FILIP1L: variants seen among roughly 807,000 people sequenced by gnomAD.
FILIP1L encodes filamin A-interacting protein 1-like.
In FILIP1L, 55 loss-of-function variants were observed where a neutral mutation model predicts 96.6. The ratio of observed to expected loss-of-function variants is 0.57; its 90% CI spans 0.46 to 0.71. FILIP1L has a LOEUF of 0.71. Ranked by LOEUF, FILIP1L falls within the 30% of genes least tolerant of loss-of-function variation. The pLI is 0.00. For missense variants in FILIP1L, 1,304 were observed against 1,321.2 expected (o/e 0.99, Z 0.20); for synonymous variants, 467 against 473.9 (o/e 0.99, Z 0.19).
intron 1 of FILIP1L, among the ~76,000 whole-genome samples, chr3:99,976,034 G>A (rs1319437900): frequency 3.3e-5 from 5 of 152,086 alleles, no homozygotes; most frequent in Admixed American, 3.3e-4. Flanking sequence ...ACAGGCATGT[G>A]CCACTATGCC....
intron 4 of FILIP1L, among the ~76,000 whole-genome samples, chr3:99,853,178 G>T (rs950325778): frequency 1.3e-5 from 2 of 152,160 alleles, no homozygotes; most frequent in Non-Finnish European, 2.9e-5. Context: ...TGGGTAAACT[G>T]CTTTGGTGGT....
At chr3:99,966,842 T>A (rs4928149) in intron 1 of FILIP1L, among the ~76,000 whole-genome samples, 127,721 of 152,190 alleles carry the variant, frequency 0.84, 53,959 homozygotes, top group East Asian at 0.97. Flanking sequence ...CTTGAACGAC[T>A]TAGAGATTTA....
At position 100,099,784 on chromosome 3, in the gene FILIP1L, G is replaced by A. The variant is rs151098409; in HGVS notation, c.-11+14269C>T. ...TTCTGTAGCAGTGGGAACCTAACAG[G>A]CCACCAAGGAGAGCCAGACATTTGA... On this transcript the variant is annotated intron_variant, in intron 1 of 5. Coordinates refer to ENST00000477258, the MANE Select transcript of FILIP1L (RefSeq NM_001387850.1). Among the ~76,000 whole-genome samples, 536 of 152,220 alleles carry A rather than the reference G, an allele frequency of 3.5e-3. 2 individuals are homozygous for A. Among genetic ancestry groups the A allele is most frequent in the African/African-American group, 0.012 (510 of 41,520 alleles).
rs546292745 is a variant in FILIP1L at position 99,930,091 on chromosome 3, T to C, written c.253-62A>G. On this transcript the variant is annotated intron_variant, in intron 2 of 5. Transcript: ENST00000477258. ...CTCTACCAGCAGTCTCAGCAAGTGA[T>C]TTTTGTGATAGTTGGCAGTGCTTTT... 2.2e-6 allele frequency: 3 copies of C among 1,383,838 alleles called. No individual in the cohort carries two copies. In the East Asian group the frequency reaches 7.4e-5, roughly 34 times the overall value. 85.7% of individuals were successfully genotyped at this position (1,383,838 alleles called of 1,614,324 possible).
At chr3:100,103,556 T>C (rs979414560) in intron 1 of FILIP1L, among the ~76,000 whole-genome samples, 5 of 152,198 alleles carry the variant, frequency 3.3e-5, no homozygotes, top group Non-Finnish European at 7.4e-5. Flanking sequence ...GAAGCACGGA[T>C]TGGGCAGGTA....
chr3:99,834,759 T>C (rs1479837196), intron 5 of FILIP1L, among the ~76,000 whole-genome samples: 1 of 152,174 alleles, frequency 6.6e-6, no homozygotes, highest in Non-Finnish European at 1.5e-5. Context: ...TAACAGCCTT[T>C]GGGTAGTATC....
chr3:99,992,136 G>A (rs1247051112), intron 1 of FILIP1L, among the ~76,000 whole-genome samples: 1 of 151,586 alleles, frequency 6.6e-6, no homozygotes, highest in Non-Finnish European at 1.5e-5. Flanking sequence ...AAATACAAGT[G>A]CAGCTATCTT....
intron 1 of FILIP1L, among the ~76,000 whole-genome samples, chr3:100,049,653 G>T (rs1196034881): frequency 6.6e-5 from 10 of 152,146 alleles, no homozygotes; most frequent in African/African-American, 1.7e-4. Context: ...TCCTGAGACA[G>T]CAAGAGCAAC....
chr3:100,091,478 T>C (rs1233932529), intron 1 of FILIP1L, among the ~76,000 whole-genome samples: 1 of 152,214 alleles, frequency 6.6e-6, no homozygotes, highest in Non-Finnish European at 1.5e-5. Context: ...AGCAGCCAGT[T>C]TTAAAGATGC....
intron 1 of FILIP1L, among the ~76,000 whole-genome samples, chr3:99,997,350 AAAACCTAGAG>A (rs1478101852): frequency 2.0e-5 from 3 of 152,364 alleles, no homozygotes; most frequent in African/African-American, 4.8e-5. Flanking sequence ...CACAAACTAG[AAAACCTAGAG>A]GAAATGGCTG....
At chr3:99,886,969 C>CAA (rs544548363) in intron 4 of FILIP1L, among the ~76,000 whole-genome samples, 7 of 89,866 alleles carry the variant, frequency 7.8e-5, no homozygotes, top group Admixed American at 1.3e-4. Context: ...GACTCCATCT[C>CAA]AAAAAAAAAA....
intron 1 of FILIP1L, among the ~76,000 whole-genome samples, chr3:99,972,596 C>G (rs1174999229): frequency 6.6e-6 from 1 of 152,148 alleles, no homozygotes; most frequent in Admixed American, 6.5e-5. Context: ...AATAACGGTT[C>G]ATGTTTCCAT....
In FILIP1L at chr3:100,105,416, A is replaced by G. The variant is rs2066377371; in HGVS notation, c.-11+8637T>C. ...CCTGGAAGGCATTTCTTTTGAATCA[A>G]CTGCAATTCGTATCTAACAATTTCA... On this transcript the variant is annotated intron_variant, in intron 1 of 5. Transcript: ENST00000477258. 3.3e-5 allele frequency among the ~76,000 whole-genome samples: 5 copies of G among 152,206 alleles called. No homozygotes were observed. The South Asian group carries it at 1.0e-3, about 31-fold the overall frequency.
At chr3:100,032,349 G>T (rs1465401919) in intron 1 of FILIP1L, among the ~76,000 whole-genome samples, 1 of 152,192 alleles carries the variant, frequency 6.6e-6, no homozygotes, top group Admixed American at 6.6e-5. Flanking sequence ...TGAAATGCAG[G>T]TTATAGCTGG....
chr3:99,876,475 T>G (rs1019040199), intron 4 of FILIP1L, among the ~76,000 whole-genome samples: 1 of 152,256 alleles, frequency 6.6e-6, no homozygotes, highest in East Asian at 1.9e-4. Context: ...CTTTTTTCCC[T>G]CTGGGTCCCT....
chr3:99,847,647 T>C (rs1299781504), intron 5 of FILIP1L, among the ~76,000 whole-genome samples: 1 of 152,208 alleles, frequency 6.6e-6, no homozygotes, highest in African/African-American at 2.4e-5. Context: ...CTAAGCACTG[T>C]GCTGGGCTCT....
At chr3:99,988,152 A>T (rs1236392809) in intron 1 of FILIP1L, among the ~76,000 whole-genome samples, 1 of 152,084 alleles carries the variant, frequency 6.6e-6, no homozygotes, top group African/African-American at 2.4e-5. Context: ...AGCTAAAAGA[A>T]TTGTGGGATC....
rs61630053 is a variant in FILIP1L, at chr3:100,021,960, TGAGAGAGAGA to T, written c.-10-90940_-10-90931del. Among the ~76,000 whole-genome samples the T allele has an allele frequency of 8.5e-3, 791 of 93,220 alleles. 6 individuals are homozygous for T. The highest frequency in any genetic ancestry group is 0.021 in the African/African-American group (522 of 24,806). The allele number at this position is 93,220 out of a possible 152,430, so 61.2% of individuals were successfully genotyped here. On this transcript the variant is annotated intron_variant, in intron 1 of 5. Coordinates refer to ENST00000477258, the MANE Select transcript of FILIP1L (RefSeq NM_001387850.1). ...GTGTGTGTGTGTGTGTGTGTGTGTG[TGAGAGAGAGA>T]GAGAGAGAGAGAGAGAGAGAGAGAT...
intron 1 of FILIP1L, among the ~76,000 whole-genome samples, chr3:99,982,545 T>A (rs2107734536): frequency 6.6e-6 from 1 of 152,268 alleles, no homozygotes; most frequent in African/African-American, 2.4e-5. Flanking sequence ...TCTCTCACTC[T>A]GTTGCCCAGG....
Sources: allele counts gnomAD v4.1 joint callset (sites outside exome capture counted in the v4.1 genomes callset), GRCh38; gene constraint gnomAD v4.1.1; transcripts MANE v1.5; gene names NCBI Gene and HGNC (gene_info 2026-07-23, HGNC 2026-07-21).